TRMT44: variants seen among roughly 807,000 people sequenced by gnomAD.
TRMT44 encodes the protein probable tRNA (uracil-O(2)-)-methyltransferase.
In TRMT44, 78 loss-of-function variants were observed where a neutral mutation model predicts 77.3. The ratio of observed to expected loss-of-function variants is 1.01; its 90% CI spans 0.84 to 1.22. The LOEUF (loss-of-function observed/expected upper bound fraction) is 1.22. Among genes scored for constraint, TRMT44 ranks in the 50% most tolerant of loss-of-function variants. The pLI, the probability that TRMT44 is intolerant of heterozygous loss-of-function variation, is 0.00. For synonymous variants in TRMT44, 391 were observed against 383.3 expected (o/e 1.02, Z -0.23); for missense variants, 1,090 against 964.4 (o/e 1.13, Z -1.73).
chr4:8,453,214 C>T lies in TRMT44; in HGVS notation c.1131+225C>T, dbSNP rs115322778. Among the ~76,000 whole-genome samples, 591 of 152,292 alleles carry T rather than the reference C, an allele frequency of 3.9e-3. 4 individuals are homozygous for T. The highest frequency in any genetic ancestry group is 0.014 in the African/African-American group (572 of 41,556). ...TTGGACCTAAGAGGAAGTCCCCGGGCCCCGGCATGGACCTATAAAATGACA... is the reference window on the plus strand; with the variant it reads ...TTGGACCTAAGAGGAAGTCCCCGGGTCCCGGCATGGACCTATAAAATGACA... On this transcript the variant is annotated intron_variant, in intron 5 of 10. Transcript: ENST00000389737.
chr4:8,488,046 T>G (rs1727871268), intron 2 of TRMT44, among the ~76,000 whole-genome samples: 2 of 151,986 alleles, frequency 1.3e-5, no homozygotes, highest in African/African-American at 4.8e-5. Context: ...GGTGCCAAGA[T>G]TGAAAGGAGA....
intron 9 of TRMT44, 148 bp downstream of exon 9, chr4:8,468,494 C>G (rs1726759147): frequency 1.3e-6 from 1 of 744,922 alleles, no homozygotes; most frequent in African/African-American, 1.8e-5. Context: ...AGGCTCTCTT[C>G]AAGCAAATTC....
chr4:8,484,391 G>A (rs929280674), intron 2 of TRMT44, among the ~76,000 whole-genome samples: 17 of 152,156 alleles, frequency 1.1e-4, no homozygotes, highest in Non-Finnish European at 2.5e-4. Context: ...CAGGTGTGAG[G>A]AAGAACATAG....
chr4:8,468,290 AGC>A lies in TRMT44; in HGVS notation c.1872_1873del (p.Gln625IlefsTer87). 1.2e-6 allele frequency: 2 copies of A among 1,614,254 alleles called. No homozygotes were observed. Among genetic ancestry groups the A allele is most frequent in the Non-Finnish European group, 1.7e-6 (2 of 1,180,048 alleles). The stretch of plus-strand genomic sequence containing the variant: ...GTAGCGAATTTACTGTTAGGTGGAA[AGC>A]AATTAAACACAAGAAGTTCTCGAAA... On this transcript the variant is annotated frameshift_variant, in exon 9 of 11. Coordinates refer to ENST00000389737, the MANE Select transcript of TRMT44 (RefSeq NM_152544.3). LOFTEE classifies it high-confidence loss of function.
rs572392715 is a variant in TRMT44 at position 8,485,680 on chromosome 4, C to T, written n.3891+6147C>T. Among the ~76,000 whole-genome samples the T allele has an allele frequency of 1.4e-4, 22 of 151,922 alleles. No homozygotes were observed. In the East Asian group the frequency reaches 2.3e-3, roughly 16 times the overall value. On this transcript the variant is annotated intron_variant and non_coding_transcript_variant, in intron 2 of 2. Transcript: ENST00000511366. ...GGAGGCTTTGGGTTGGGGAGAAGGGCGGCAATGAGATGTGGCTGTAGTCCA... is the reference window on the plus strand; with the variant it reads ...GGAGGCTTTGGGTTGGGGAGAAGGGTGGCAATGAGATGTGGCTGTAGTCCA...
downstream of TRMT44, chr4:8,478,491 C>G (rs1451153397): frequency 6.6e-6 from 1 of 152,578 alleles, no homozygotes; most frequent in African/African-American, 2.4e-5. Flanking sequence ...TTACTGCCCC[C>G]CAGCAGCACT....
chr4:8,516,083 T>G, the TRMT44 span, among the ~76,000 whole-genome samples: 4,165 of 152,106 alleles, frequency 0.027, 68 homozygotes, highest in South Asian at 0.042. Flanking sequence ...CCTGTAAACT[T>G]CATAAAATTA....
At chr4:8,462,445 G>A (rs1035036488) in intron 6 of TRMT44, among the ~76,000 whole-genome samples, 1 of 151,660 alleles carries the variant, frequency 6.6e-6, no homozygotes, top group Non-Finnish European at 1.5e-5. Flanking sequence ...GGTGGCTCAT[G>A]CCTGTAATCC....
chr4:8,478,670 TCTC>T (rs1479029186), downstream of TRMT44: 1 of 152,294 alleles, frequency 6.6e-6, no homozygotes, highest in East Asian at 1.9e-4. Context: ...CCCGGTGACT[TCTC>T]AGAGCCTGAA....
intron 2 of TRMT44, among the ~76,000 whole-genome samples, chr4:8,483,840 TCTTTA>T (rs1449468107): frequency 6.6e-6 from 1 of 152,218 alleles, no homozygotes; most frequent in Non-Finnish European, 1.5e-5. Context: ...GTAGGAAATG[TCTTTA>T]CTTATTCAGT....
At chr4:8,487,986 A>G (rs755319754) in intron 2 of TRMT44, among the ~76,000 whole-genome samples, 1 of 152,164 alleles carries the variant, frequency 6.6e-6, no homozygotes, top group African/African-American at 2.4e-5. Flanking sequence ...CTTTGTCTCT[A>G]CCAGAAAATG....
chr4:8,486,183 G>A (rs1045313719), intron 2 of TRMT44, among the ~76,000 whole-genome samples: 3 of 152,230 alleles, frequency 2.0e-5, no homozygotes, highest in African/African-American at 7.2e-5. Flanking sequence ...ACACAGCTTA[G>A]GGGGAATCTC....
At chr4:8,493,939 C>T (rs1335871018), downstream of TRMT44, among the ~76,000 whole-genome samples, 2 of 150,034 alleles carry the variant, frequency 1.3e-5, no homozygotes, top group African/African-American at 2.5e-5. Flanking sequence ...TTACTGGTCT[C>T]TTACCAGCAA....
rs1026692173 is a variant in TRMT44, at chr4:8,451,702, C to T, written c.955-258C>T. Reference sequence around the variant, plus strand: ...TAAGTGTTTCCTCTGTGTCCACTGCCTCAGCTAAATGCCTTAGGTACATTC... The same window carrying T: ...TAAGTGTTTCCTCTGTGTCCACTGCTTCAGCTAAATGCCTTAGGTACATTC... On this transcript the variant is annotated intron_variant, in intron 3 of 10. Coordinates refer to ENST00000389737, the MANE Select transcript of TRMT44 (RefSeq NM_152544.3). This position sits in a 1 kb window ranked among gnomAD's most constrained non-coding sequence, Gnocchi z 4.1. 6.6e-6 allele frequency among the ~76,000 whole-genome samples: 1 copy of T among 152,212 alleles called. No homozygotes were observed. Among genetic ancestry groups the T allele is most frequent in the Non-Finnish European group, 1.5e-5 (1 of 68,046 alleles).
At chr4:8,505,070 C>T in the TRMT44 span, among the ~76,000 whole-genome samples, 6 of 152,218 alleles carry the variant, frequency 3.9e-5, no homozygotes, top group Non-Finnish European at 7.3e-5. Context: ...TCTGTCCTTT[C>T]TCCTGGCTGC....
At chr4:8,443,359 A>C (rs1053239518) in intron 1 of TRMT44, among the ~76,000 whole-genome samples, 3 of 152,324 alleles carry the variant, frequency 2.0e-5, no homozygotes, top group African/African-American at 4.8e-5. Context: ...TTCCCTCTCA[A>C]CAAGGAGTAC....
intron 6 of TRMT44, among the ~76,000 whole-genome samples, chr4:8,457,011 A>ACC: frequency 1.7e-5 from 1 of 59,452 alleles, no homozygotes; most frequent in African/African-American, 1.2e-4. Context: ...ATATAGCAAG[A>ACC]CACCCGCCCC....
rs1251033886 is a variant in TRMT44, at chr4:8,446,399, C to G, written c.620-77C>G. On this transcript the variant is annotated intron_variant, in intron 1 of 10. Coordinates refer to ENST00000389737, the MANE Select transcript of TRMT44 (RefSeq NM_152544.3). The surrounding 1 kb of genome is among the most constrained non-coding windows in gnomAD (Gnocchi z 4.3). ...ATTGAAAGCATCGTGCTTGACTCATCCCTATTTTTAATACTGCTTCTGATG... is the reference window on the plus strand; with the variant it reads ...ATTGAAAGCATCGTGCTTGACTCATGCCTATTTTTAATACTGCTTCTGATG... 1.1e-6 allele frequency: 1 copy of G among 902,736 alleles called. No homozygotes were observed. Among genetic ancestry groups the G allele is most frequent in the Non-Finnish European group, 1.7e-6 (1 of 580,566 alleles). The allele number at this position is 902,736 out of a possible 1,614,324, so 55.9% of individuals were successfully genotyped here.
At chr4:8,493,990 C>G (rs1364472235), downstream of TRMT44, among the ~76,000 whole-genome samples, 1 of 146,782 alleles carries the variant, frequency 6.8e-6, no homozygotes, top group Non-Finnish European at 1.5e-5. Context: ...CCATGATGAA[C>G]AAACCACACG....
Sources: gnomAD v4.1 joint callset for allele counts (sites outside exome capture counted in the v4.1 genomes callset) on GRCh38, gnomAD v4.1.1 for gene constraint, Gnocchi (gnomAD v3.1) non-coding constraint, MANE v1.5 for transcripts, NCBI Gene and HGNC (gene_info 2026-07-23, HGNC 2026-07-21) for gene names.